The following SORCS3 variants were observed in gnomAD, a reference collection of about 807,000 sequenced individuals.
The protein encoded by SORCS3 is sortilin related VPS10 domain containing receptor 3.
SORCS3 carries 57 observed loss-of-function variants against 146.3 expected under a neutral mutation model. The ratio of observed to expected loss-of-function variants is 0.39; its 90% confidence interval spans 0.31 to 0.49. The LOEUF is 0.49. Among genes scored for constraint, SORCS3 ranks in the 20% least tolerant of loss-of-function variants. The probability of loss-of-function intolerance (pLI) is 0.92; values close to 1 mark genes in which losing one functional copy is unlikely to be tolerated. For synonymous variants in SORCS3, 653 were observed against 618.5 expected (o/e 1.06, Z -0.83); for missense variants, 1,341 against 1,575.5 (o/e 0.85, Z 2.52).
intron 3 of SORCS3, among the ~76,000 whole-genome samples, chr10:104,960,686 C>A (rs1396329541): frequency 6.6e-6 from 1 of 152,170 alleles, no homozygotes; most frequent in Non-Finnish European, 1.5e-5. Flanking sequence ...GGCTCCACGT[C>A]TCAAAACTGC....
intron 2 of SORCS3, among the ~76,000 whole-genome samples, chr10:104,905,138 G>A (rs980721189): frequency 6.6e-6 from 1 of 152,192 alleles, no homozygotes; most frequent in Non-Finnish European, 1.5e-5. Flanking sequence ...TAGAATGTAG[G>A]ATCCAATAGG....
rs1423500391 is a variant in SORCS3, at chr10:105,211,113, A to G, written c.2262-24A>G. 6 of 1,528,236 alleles carry G rather than the reference A, an allele frequency of 3.9e-6. No homozygotes were observed. The Admixed American group carries it at 8.4e-5, about 21-fold the overall frequency. The allele number at this position is 1,528,236 out of a possible 1,614,324, so 94.7% of individuals were successfully genotyped here. ...TTAGCGTTTGTACATATATACTACTATGCAATATTCATTTTCCTGACAGTG... is the reference window on the plus strand; with the variant it reads ...TTAGCGTTTGTACATATATACTACTGTGCAATATTCATTTTCCTGACAGTG... On this transcript the variant is annotated intron_variant, in intron 16 of 26. Coordinates refer to ENST00000369701, the MANE Select transcript of SORCS3 (RefSeq NM_014978.3).
At chr10:104,766,353 C>T (rs563148838) in intron 1 of SORCS3, among the ~76,000 whole-genome samples, 2 of 152,326 alleles carry the variant, frequency 1.3e-5, no homozygotes, top group South Asian at 4.1e-4. Context: ...CCTTCACTCT[C>T]ACTCCCACGT....
intron 11 of SORCS3, among the ~76,000 whole-genome samples, chr10:105,162,382 T>C (rs967102390): frequency 1.3e-5 from 2 of 152,114 alleles, no homozygotes; most frequent in Non-Finnish European, 2.9e-5. Context: ...TCTTCCAACA[T>C]GGTTGGCAGC....
At chr10:105,158,068 T>C (rs1458798994) in intron 10 of SORCS3, among the ~76,000 whole-genome samples, 1 of 152,218 alleles carries the variant, frequency 6.6e-6, no homozygotes, top group Non-Finnish European at 1.5e-5. Context: ...TTTGTAATTT[T>C]CAGCCTTATT....
intron 1 of SORCS3, among the ~76,000 whole-genome samples, chr10:104,649,921 GAAGTGAGTA>G (rs1364189003): frequency 6.6e-6 from 1 of 152,172 alleles, no homozygotes; most frequent in African/African-American, 2.4e-5. Flanking sequence ...CTTCTTGAGG[GAAGTGAGTA>G]AAGTGTGTAG....
At chr10:105,089,642 TG>T in intron 5 of SORCS3, 132 bp from the exon 6 acceptor site, 1 of 698,742 alleles carries the variant, frequency 1.4e-6, no homozygotes, top group Non-Finnish European at 2.6e-6. Context: ...CACATTCTGC[TG>T]GTTCCCATAC....
At chr10:105,056,947 T>TA (rs2055449824) in intron 5 of SORCS3, among the ~76,000 whole-genome samples, 1 of 152,196 alleles carries the variant, frequency 6.6e-6, no homozygotes, top group Admixed American at 6.5e-5. Flanking sequence ...TAAAAAAACT[T>TA]ACACCTAACA....
rs534499553 is a variant in SORCS3 at position 105,262,056 on chromosome 10, CT to C, written c.3444-270del. 2.6e-5 allele frequency among the ~76,000 whole-genome samples: 4 copies of C among 152,192 alleles called. No individual in the cohort carries two copies. In the South Asian group the frequency reaches 8.3e-4, roughly 32 times the overall value. On this transcript the variant is annotated intron_variant, in intron 25 of 26. Coordinates refer to ENST00000369701, the MANE Select transcript of SORCS3 (RefSeq NM_014978.3). ...TTATAGGGTTTTATTATCTAACTGC[CT>C]TTTTGTTTATACCTTCTTGTTTTTT... is the stretch of plus-strand genomic sequence containing the variant.
intron 1 of SORCS3, among the ~76,000 whole-genome samples, chr10:104,741,165 C>A (rs948703556): frequency 1.8e-5 from 2 of 108,118 alleles, no homozygotes; most frequent in Admixed American, 2.4e-4. Context: ...TTGCCAGGGT[C>A]TTGCTATGTT....
At chr10:104,989,493 G>A (rs1564729543) in intron 4 of SORCS3, among the ~76,000 whole-genome samples, 1 of 152,164 alleles carries the variant, frequency 6.6e-6, no homozygotes, top group Non-Finnish European at 1.5e-5. Context: ...AATATAAGGA[G>A]AAAATAACAG....
chr10:105,188,963 C>T (rs564533578), intron 14 of SORCS3, among the ~76,000 whole-genome samples: 5 of 152,218 alleles, frequency 3.3e-5, no homozygotes, highest in South Asian at 4.1e-4. Flanking sequence ...ATCCACAGCA[C>T]GTTTAACTAT....
chr10:105,030,646 G>A (rs975667996), intron 4 of SORCS3, among the ~76,000 whole-genome samples: 2 of 151,398 alleles, frequency 1.3e-5, no homozygotes, highest in African/African-American at 2.4e-5. Context: ...AGGCTGGAGT[G>A]CAATGGTGGG....
In SORCS3 at chr10:105,157,151, A is replaced by G. The variant is rs1301002804; in HGVS notation, c.1496A>G (p.Lys499Arg). The G allele has an allele frequency of 4.3e-6, 7 of 1,613,830 alleles. No individual in the cohort carries two copies. Among genetic ancestry groups the G allele is most frequent in the Non-Finnish European group, 5.1e-6 (6 of 1,179,896 alleles). The stretch of plus-strand genomic sequence containing the variant: ...CTTTTTTCCTAGGTAGCAGGTATCA[A>G]AGGGATATTTCTGGCAAACAAGAAG... Reference protein sequence around the residue: ...IIELYEVAGIKGIFLANKKVD... With the variant: ...IIELYEVAGIRGIFLANKKVD... The change falls in exon 10 of 27, where the codon AAA becomes AGA. Residue 499 changes from lysine to arginine, a missense_variant. Coordinates refer to ENST00000369701, the MANE Select transcript of SORCS3 (RefSeq NM_014978.3).
At chr10:104,708,130 C>CT (rs2016360977) in intron 1 of SORCS3, among the ~76,000 whole-genome samples, 1 of 152,180 alleles carries the variant, frequency 6.6e-6, no homozygotes, top group Admixed American at 6.5e-5. Context: ...ATAAACAGGG[C>CT]TCTTGCTGCT....
chr10:105,014,745 C>A (rs965416798), intron 4 of SORCS3, among the ~76,000 whole-genome samples: 6 of 152,206 alleles, frequency 3.9e-5, no homozygotes, highest in Admixed American at 6.5e-5. Flanking sequence ...GGAGGTGGGA[C>A]CTTTGGAAAG....
chr10:105,203,395 A>G (rs920072695), intron 16 of SORCS3, among the ~76,000 whole-genome samples: 2 of 152,154 alleles, frequency 1.3e-5, no homozygotes, highest in African/African-American at 2.4e-5. Flanking sequence ...GGCTTGTGAC[A>G]TATTGATGTC....
chr10:105,176,633 G>T (rs531266638), intron 13 of SORCS3, among the ~76,000 whole-genome samples: 1 of 151,850 alleles, frequency 6.6e-6, no homozygotes, highest in Non-Finnish European at 1.5e-5. Flanking sequence ...AGGTGGGTGG[G>T]TTACGAGGCC....
At chr10:105,094,885 AATGGAG>A (rs1249652918) in intron 6 of SORCS3, among the ~76,000 whole-genome samples, 4 of 152,176 alleles carry the variant, frequency 2.6e-5, no homozygotes, top group Admixed American at 2.6e-4. Flanking sequence ...GAAAAGAATG[AATGGAG>A]ATAGGTTGGT....
Sources: gnomAD v4.1 joint callset for allele counts (sites outside exome capture counted in the v4.1 genomes callset) on GRCh38, gnomAD v4.1.1 for gene constraint, MANE v1.5 for transcripts, NCBI Gene and HGNC (gene_info 2026-07-23, HGNC 2026-07-21) for gene names.